The following CNPY1 variants were observed in gnomAD, a reference collection of about 807,000 sequenced individuals.
CNPY1 encodes canopy FGF signaling regulator 1.
In CNPY1, 14 loss-of-function variants were observed where a neutral mutation model predicts 14.4. The ratio of observed to expected loss-of-function variants is 0.97; its 90% CI spans 0.64 to 1.52. The LOEUF is 1.52. Among genes scored for constraint, CNPY1 ranks in the 40% most tolerant of loss-of-function variants. The pLI is 0.00. For synonymous variants in CNPY1, 43 were observed against 46.5 expected (o/e 0.92, Z 0.31); for missense variants, 129 against 131.5 (o/e 0.98, Z 0.09).
At chr7:155,506,877 G>A in intron 4 of CNPY1, 143 bp downstream of exon 4, 1 of 635,736 alleles carries the variant, frequency 1.6e-6, no homozygotes, top group Non-Finnish European at 2.8e-6. Context: ...TGTCGTTTCT[G>A]ATTCAGCGGA....
Position 155,502,717 on chromosome 7 carries a change from A to G in CNPY1, c.*351T>C. 1 of 251,052 alleles carries G rather than the reference A, an allele frequency of 4.0e-6. No homozygotes were observed. Among genetic ancestry groups the G allele is most frequent in the Non-Finnish European group, 7.7e-6 (1 of 130,188 alleles). 15.6% of individuals were successfully genotyped at this position (251,052 alleles called of 1,614,324 possible). On this transcript the variant is annotated 3_prime_UTR_variant, in exon 5 of 5. Transcript: ENST00000636446. ...ACTGCGCTTGCATATGTGCACATAC[A>G]CTGTTATAAAATAAGCAGCATACAT...
At chr7:155,524,055 C>T (rs1796775418) in intron 2 of CNPY1, among the ~76,000 whole-genome samples, 1 of 152,224 alleles carries the variant, frequency 6.6e-6, no homozygotes, top group Non-Finnish European at 1.5e-5. Context: ...CTGCCAACAC[C>T]ATGGTCCTGG....
chr7:155,521,041 GAAA>G (rs35803409), intron 2 of CNPY1, among the ~76,000 whole-genome samples: 3 of 147,676 alleles, frequency 2.0e-5, no homozygotes, highest in African/African-American at 7.5e-5. Context: ...GCATGAGAAT[GAAA>G]AAAAAAGAAA....
chr7:155,515,445 C>A (rs11761204), intron 2 of CNPY1, among the ~76,000 whole-genome samples: 18,272 of 152,246 alleles, frequency 0.12, 1,727 homozygotes, highest in African/African-American at 0.26. Context: ...GGGCTCCCCC[C>A]ATGGGAGACG....
chr7:155,509,859 G>A (rs1025469753), intron 2 of CNPY1, among the ~76,000 whole-genome samples: 20 of 152,328 alleles, frequency 1.3e-4, no homozygotes, highest in African/African-American at 4.8e-4. Context: ...TCCGCCCCGG[G>A]CGCGGGTCAA....
Position 155,502,940 on chromosome 7 carries a change from G to T in CNPY1, c.*128C>A. 1 of 751,248 alleles carries T rather than the reference G, an allele frequency of 1.3e-6. No homozygotes were observed. The highest frequency in any genetic ancestry group is 2.7e-5 in the East Asian group (1 of 37,302). 46.5% of individuals were successfully genotyped at this position (751,248 alleles called of 1,614,324 possible). ...AGATTTTCAAAATGAATCATAAACG[G>T]AGACAAACACGGTATAAACAAGAGA... On this transcript the variant is annotated 3_prime_UTR_variant, in exon 5 of 5. Transcript: ENST00000636446.
chr7:155,516,412 T>C (rs1796623173), intron 2 of CNPY1, among the ~76,000 whole-genome samples: 1 of 152,278 alleles, frequency 6.6e-6, no homozygotes, highest in South Asian at 2.1e-4. Flanking sequence ...TTAACCCCAC[T>C]TCCCAAGTGA....
At chr7:155,531,813 G>A (rs1411588014) in intron 2 of CNPY1, among the ~76,000 whole-genome samples, 1 of 152,204 alleles carries the variant, frequency 6.6e-6, no homozygotes, top group Non-Finnish European at 1.5e-5. Flanking sequence ...GAGCTCCAGG[G>A]CGGTGCCTCA....
chr7:155,527,756 C>T (rs1215848177), intron 2 of CNPY1, among the ~76,000 whole-genome samples: 3 of 152,134 alleles, frequency 2.0e-5, no homozygotes, highest in Admixed American at 6.5e-5. Context: ...CTGGCCTTAA[C>T]ATTTTTAACA....
At chr7:155,537,452 T>C (rs1245189611) in intron 2 of CNPY1, among the ~76,000 whole-genome samples, 1 of 151,282 alleles carries the variant, frequency 6.6e-6, no homozygotes, top group Non-Finnish European at 1.5e-5. Flanking sequence ...AGACGGAGTT[T>C]CGCTTTTGTC....
At chr7:155,531,378 A>G (rs1796934100) in intron 2 of CNPY1, among the ~76,000 whole-genome samples, 1 of 152,232 alleles carries the variant, frequency 6.6e-6, no homozygotes, top group Non-Finnish European at 1.5e-5. Context: ...AAGAAATAGA[A>G]TCTAAATAAC....
intron 4 of CNPY1, chr7:155,506,478 C>T (rs1796312719): frequency 6.5e-6 from 1 of 154,544 alleles, no homozygotes; most frequent in Admixed American, 6.5e-5. Flanking sequence ...ATTTTCCACC[C>T]TCTGAGCCAG....
chr7:155,521,418 G>A (rs1297543738), intron 2 of CNPY1, among the ~76,000 whole-genome samples: 4 of 152,198 alleles, frequency 2.6e-5, no homozygotes, highest in Admixed American at 6.5e-5. Context: ...GAAGCCAAAC[G>A]CTAAGATCCC....
At chr7:155,531,481 T>C (rs1391371640) in intron 2 of CNPY1, among the ~76,000 whole-genome samples, 1 of 152,174 alleles carries the variant, frequency 6.6e-6, no homozygotes, top group African/African-American at 2.4e-5. Flanking sequence ...TGGCGCAGTC[T>C]GGTGTTGGAC....
At chr7:155,519,712 A>T (rs1796683404) in intron 2 of CNPY1, among the ~76,000 whole-genome samples, 1 of 152,206 alleles carries the variant, frequency 6.6e-6, no homozygotes, top group Non-Finnish European at 1.5e-5. Context: ...TGTTTACTCA[A>T]GTAATGAAAT....
intron 4 of CNPY1, 26 bp downstream of exon 4, chr7:155,506,994 A>G: frequency 6.9e-7 from 1 of 1,444,616 alleles, no homozygotes; most frequent in South Asian, 1.1e-5. Context: ...GCGAGCAGCG[A>G]GCACATGTTA....
At chr7:155,518,585 A>G (rs543549427) in intron 2 of CNPY1, 23 of 152,338 alleles carry the variant, frequency 1.5e-4, no homozygotes, top group African/African-American at 5.3e-4. Context: ...TTTCACTGGC[A>G]CTCAAAGAGA....
At chr7:155,541,065 G>A (rs1387037663) in intron 2 of CNPY1, among the ~76,000 whole-genome samples, 1 of 152,238 alleles carries the variant, frequency 6.6e-6, no homozygotes, top group Admixed American at 6.5e-5. Context: ...GCCAGTGTGA[G>A]GAGCTACCGA....
chr7:155,532,345 C>T (rs551214277), intron 2 of CNPY1, among the ~76,000 whole-genome samples: 1 of 149,504 alleles, frequency 6.7e-6, no homozygotes, highest in South Asian at 2.1e-4. Flanking sequence ...CAGATGGGCC[C>T]GGGGCCGTGG....
Sources: gnomAD v4.1 joint callset for allele counts (sites outside exome capture counted in the v4.1 genomes callset) on GRCh38, gnomAD v4.1.1 for gene constraint, MANE v1.5 for transcripts, NCBI Gene and HGNC (gene_info 2026-07-23, HGNC 2026-07-21) for gene names.